NME5: variants seen among roughly 807,000 people sequenced by gnomAD.
The protein encoded by NME5 is NME/NM23 family member 5, also known as nucleoside diphosphate kinase 5.
A neutral mutation model predicts 21.6 loss-of-function variants in NME5; 18 were observed. The ratio of observed to expected loss-of-function variants is 0.83; its 90% CI spans 0.58 to 1.24. The LOEUF (loss-of-function observed/expected upper bound fraction) is 1.24, where lower values mean the gene tolerates loss of function less well. NME5 is among the 50% of genes most tolerant of loss of function. The pLI, the probability that NME5 is intolerant of heterozygous loss-of-function variation, is 0.00. For synonymous variants in NME5, 70 were observed against 80.6 expected (o/e 0.87, Z 0.71); for missense variants, 223 against 255.4 (o/e 0.87, Z 0.86).
chr5:138,130,036 T>G (rs749273572), intron 2 of NME5, among the ~76,000 whole-genome samples: 1 of 152,222 alleles, frequency 6.6e-6, no homozygotes, highest in Admixed American at 6.5e-5. Context: ...TAAATAACAC[T>G]TCAATTAACA....
intron 4 of NME5, chr5:138,127,345 A>T: frequency 2.2e-6 from 1 of 456,968 alleles, no homozygotes; most frequent in Non-Finnish European, 2.9e-6. Flanking sequence ...GAATTCAGAA[A>T]TTCAAACAAC....
At chr5:138,126,706 G>A (rs1751436037) in intron 4 of NME5, among the ~76,000 whole-genome samples, 1 of 151,786 alleles carries the variant, frequency 6.6e-6, no homozygotes, top group Non-Finnish European at 1.5e-5. Flanking sequence ...CCAACATTTT[G>A]GGAGGTAGAG....
At chr5:138,131,502 T>C (rs942332864) in intron 2 of NME5, among the ~76,000 whole-genome samples, 2 of 151,076 alleles carry the variant, frequency 1.3e-5, no homozygotes, top group African/African-American at 4.9e-5. Flanking sequence ...TGAGCCAAGA[T>C]TGAGATAGCA....
chr5:138,124,759 A>C (rs888099936), intron 4 of NME5, among the ~76,000 whole-genome samples: 1 of 151,842 alleles, frequency 6.6e-6, no homozygotes, highest in African/African-American at 2.4e-5. Context: ...GGGCTCAAGC[A>C]ATCCTCCTGC....
intron 2 of NME5, among the ~76,000 whole-genome samples, chr5:138,134,441 A>G (rs1405904447): frequency 6.6e-6 from 1 of 151,876 alleles, no homozygotes; most frequent in Non-Finnish European, 1.5e-5. Context: ...ATGGGGCTTC[A>G]CCATGTTGGC....
chr5:138,139,333 C>T, intron 1 of NME5, 38 bp downstream of exon 1: 1 of 985,350 alleles, frequency 1.0e-6, no homozygotes. Context: ...CCGGGTTGCA[C>T]CTGCAAATTC....
intron 4 of NME5, chr5:138,127,801 A>G (rs994720292): frequency 1.3e-5 from 6 of 470,136 alleles, no homozygotes; most frequent in African/African-American, 1.3e-4. Context: ...ACGGTAAATC[A>G]AATGTAGTTT....
intron 4 of NME5, 104 bp from the exon 5 acceptor site, chr5:138,119,040 G>T: frequency 1.5e-6 from 1 of 649,330 alleles, no homozygotes; most frequent in Non-Finnish European, 2.6e-6. Context: ...TTTTTTATAT[G>T]TTTTTTTGAG....
At chr5:138,133,782 G>A (rs569768070) in intron 2 of NME5, among the ~76,000 whole-genome samples, 1 of 152,324 alleles carries the variant, frequency 6.6e-6, no homozygotes, top group East Asian at 1.9e-4. Flanking sequence ...AGCTTGAATA[G>A]TCAAATTCCT....
intron 5 of NME5, among the ~76,000 whole-genome samples, chr5:138,117,868 C>T (rs1751197390): frequency 6.6e-6 from 1 of 151,812 alleles, no homozygotes; most frequent in Admixed American, 6.6e-5. Context: ...CTGTAAATCC[C>T]AGCTACTCAG....
intron 4 of NME5, among the ~76,000 whole-genome samples, chr5:138,128,016 G>C (rs1396738560): frequency 6.6e-6 from 1 of 152,156 alleles, no homozygotes; most frequent in African/African-American, 2.4e-5. Context: ...GCATCTGAGA[G>C]TATGCTGGGC....
rs542225118 is a variant in NME5 at position 138,132,040 on chromosome 5, C to T, written c.130-2572G>A. 1.3e-4 allele frequency among the ~76,000 whole-genome samples: 20 copies of T among 152,216 alleles called. No individual in the cohort carries two copies. In the East Asian group the frequency reaches 2.9e-3, roughly 22 times the overall value. On this transcript the variant is annotated intron_variant, in intron 2 of 5. Coordinates refer to ENST00000265191, the MANE Select transcript of NME5 (RefSeq NM_003551.3). Reference sequence around the variant, plus strand: ...GATTACAGGTGTGAGCCACCGCGCCCGGCCTTGAGAGCTTTTAAAAAATTA... The same window carrying T: ...GATTACAGGTGTGAGCCACCGCGCCTGGCCTTGAGAGCTTTTAAAAAATTA...
At position 138,138,638 on chromosome 5, in the gene NME5, T is replaced by C. The variant is rs80246999; in HGVS notation, c.129+14A>G. 8.5e-4 allele frequency: 1,360 copies of C among 1,600,804 alleles called. No homozygotes were observed. Among genetic ancestry groups the C allele is most frequent in the Non-Finnish European group, 1.1e-3 (1,294 of 1,176,462 alleles). On this transcript the variant is annotated intron_variant, in intron 2 of 5. Coordinates refer to ENST00000265191, the MANE Select transcript of NME5 (RefSeq NM_003551.3). ...GAGAGGAAAAAAGCATGAATCATCA[T>C]ACCCAGAAGTTACCTGAACAATGGT...
intron 2 of NME5, among the ~76,000 whole-genome samples, chr5:138,135,053 T>C (rs1751663709): frequency 6.9e-6 from 1 of 144,748 alleles, no homozygotes; most frequent in Non-Finnish European, 1.5e-5. Context: ...GCATAGTGGC[T>C]CACGCCTGTA....
intron 2 of NME5, among the ~76,000 whole-genome samples, chr5:138,131,204 T>TAAAAAAAAAAAAAAAAAA (rs762579967): frequency 1.2e-5 from 1 of 80,876 alleles, no homozygotes; most frequent in African/African-American, 6.2e-5. Flanking sequence ...CCGTCTCTGC[T>TAAAAAAAAAAAAAAAAAA]AAAAAAAAAA....
intron 4 of NME5, chr5:138,127,533 C>G (rs915465713): frequency 1.4e-5 from 14 of 981,056 alleles, no homozygotes; most frequent in Non-Finnish European, 1.7e-5. Flanking sequence ...TAAGTCATAA[C>G]AGGAAAAATA....
chr5:138,129,889 G>A (rs1404338950), intron 2 of NME5, among the ~76,000 whole-genome samples: 1 of 152,068 alleles, frequency 6.6e-6, no homozygotes. Flanking sequence ...CCCGGGAGGC[G>A]GAGGTTGCAG....
chr5:138,138,549 A>T (rs1581390728), intron 2 of NME5, 103 bp downstream of exon 2: 2 of 944,720 alleles, frequency 2.1e-6, no homozygotes, highest in East Asian at 5.1e-5. Context: ...CTTAAATTTA[A>T]TGCTGAACAC....
rs374906096 is a variant in NME5, at chr5:138,128,636, ATGCATGCAT to A, written c.336-66_336-58del. The A allele has an allele frequency of 5.3e-5, 61 of 1,150,770 alleles. 2 individuals are homozygous for A. The highest frequency in any genetic ancestry group is 1.7e-4 in the East Asian group (7 of 40,948). 71.3% of individuals were successfully genotyped at this position (1,150,770 alleles called of 1,614,324 possible). A position where few individuals can be genotyped will look rare whatever the true frequency, so the allele number is the denominator to read the frequency against. On this transcript the variant is annotated intron_variant, in intron 3 of 5. Transcript: ENST00000265191. Reference sequence around the variant, plus strand: ...ATCTAACGTCTATTCCTTACTTTATATGCATGCATTCCACTTAAGAATTTTACAAAAGCA... The same window carrying A: ...ATCTAACGTCTATTCCTTACTTTATATCCACTTAAGAATTTTACAAAAGCA...
Sources: allele counts gnomAD v4.1 joint callset (sites outside exome capture counted in the v4.1 genomes callset), GRCh38; gene constraint gnomAD v4.1.1; transcripts MANE v1.5; gene names NCBI Gene and HGNC (gene_info 2026-07-23, HGNC 2026-07-21).